Variants in PTPN13 observed in about 807,000 individuals in gnomAD.
PTPN13 encodes the protein tyrosine-protein phosphatase non-receptor type 13.
In PTPN13, 191 loss-of-function variants were observed where a neutral mutation model predicts 284.0. The observed-to-expected ratio is 0.67, with a 90% CI of 0.60 to 0.76. The LOEUF is 0.76. Ranked by LOEUF, PTPN13 falls within the 30% of genes least tolerant of loss-of-function variation. PTPN13 has a pLI of 0.00. For missense variants in PTPN13, 2,797 were observed against 2,939.9 expected (o/e 0.95, Z 1.12); for synonymous variants, 986 against 1,022.3 (o/e 0.96, Z 0.68).
At chr4:86,653,688 C>T (rs1295897959) in intron 2 of PTPN13, among the ~76,000 whole-genome samples, 3 of 151,904 alleles carry the variant, frequency 2.0e-5, no homozygotes, top group Non-Finnish European at 2.9e-5. Context: ...CAGCAACTGG[C>T]CATTTGCTTC....
At chr4:86,614,662 T>G (rs1374094526) in intron 1 of PTPN13, among the ~76,000 whole-genome samples, 1 of 152,110 alleles carries the variant, frequency 6.6e-6, no homozygotes, top group Non-Finnish European at 1.5e-5. Context: ...TGTCTTGCCA[T>G]GGACTAAAAC....
chr4:86,599,169 C>A (rs1191995957), intron 1 of PTPN13, among the ~76,000 whole-genome samples: 1 of 152,160 alleles, frequency 6.6e-6, no homozygotes, highest in African/African-American at 2.4e-5. Context: ...CCTTAAGAAA[C>A]CATAGTCAAC....
intron 2 of PTPN13, among the ~76,000 whole-genome samples, chr4:86,658,575 GA>G (rs1482207047): frequency 6.6e-6 from 1 of 151,996 alleles, no homozygotes; most frequent in Non-Finnish European, 1.5e-5. Context: ...TTTTCAAAGA[GA>G]AAATTAGTAA....
chr4:86,780,047 A>G (rs1741116913), intron 35 of PTPN13, among the ~76,000 whole-genome samples: 1 of 152,158 alleles, frequency 6.6e-6, no homozygotes, highest in Non-Finnish European at 1.5e-5. Context: ...TGATATGTTA[A>G]ACTGAAGCCC....
At chr4:86,664,169 T>C (rs928634680) in intron 2 of PTPN13, among the ~76,000 whole-genome samples, 3 of 152,198 alleles carry the variant, frequency 2.0e-5, no homozygotes, top group African/African-American at 7.2e-5. Flanking sequence ...ACAGAAAGCC[T>C]GCGTAATTTC....
At chr4:86,730,907 A>C (rs1734865910) in intron 10 of PTPN13, among the ~76,000 whole-genome samples, 1 of 152,146 alleles carries the variant, frequency 6.6e-6, no homozygotes, top group Non-Finnish European at 1.5e-5. Flanking sequence ...GGAGCTGCAG[A>C]CTGGAGCTGT....
At chr4:86,760,284 A>G (rs939677135) in intron 23 of PTPN13, among the ~76,000 whole-genome samples, 2 of 152,220 alleles carry the variant, frequency 1.3e-5, no homozygotes, top group African/African-American at 4.8e-5. Flanking sequence ...GCAAAGGAAG[A>G]CAACTACAGT....
chr4:86,706,566 C>T (rs545620574), intron 7 of PTPN13, among the ~76,000 whole-genome samples: 5 of 152,032 alleles, frequency 3.3e-5, no homozygotes, highest in South Asian at 2.1e-4. Context: ...CTACTATGGT[C>T]GAATCTTTAA....
intron 1 of PTPN13, among the ~76,000 whole-genome samples, chr4:86,599,654 G>A (rs1764122236): frequency 6.6e-6 from 1 of 151,858 alleles, no homozygotes. Context: ...CATCTGAAAT[G>A]GCATATATAT....
intron 17 of PTPN13, among the ~76,000 whole-genome samples, chr4:86,748,667 T>C (rs1311610663): frequency 6.6e-6 from 1 of 152,166 alleles, no homozygotes; most frequent in African/African-American, 2.4e-5. Flanking sequence ...TATGGAAATT[T>C]TTTTTTTTAA....
chr4:86,783,313 TTC>T (rs1248232386), intron 37 of PTPN13, among the ~76,000 whole-genome samples: 2 of 152,212 alleles, frequency 1.3e-5, no homozygotes, highest in Non-Finnish European at 2.9e-5. Flanking sequence ...ACACTCACTA[TTC>T]TCTGTTTATT....
intron 40 of PTPN13, among the ~76,000 whole-genome samples, chr4:86,790,057 A>G (rs1742443305): frequency 6.6e-6 from 1 of 152,172 alleles, no homozygotes. Context: ...TGTACTTTCT[A>G]AAATCATTAT....
Position 86,722,363 on chromosome 4 carries a change from A to G in PTPN13, c.1537A>G (p.Met513Val), listed in dbSNP as rs1476819279. ...TCCAGGAGACACAATCAAAGCGTCC[A>G]TGCTTGACATCACCAGGGATCCGTT... ...LYPGDTIKAS[M>V]LDITRDPLRE... Residue 513 changes from methionine (M) to valine (V), a missense_variant, in exon 10 of 48, where the codon ATG becomes GTG. By Grantham distance (21) the Met-to-Val change is conservative. Coordinates refer to ENST00000411767, the MANE Select transcript of PTPN13 (RefSeq NM_080683.3). 2.5e-6 allele frequency: 4 copies of G among 1,613,852 alleles called. No individual in the cohort carries two copies. The South Asian group carries it at 3.3e-5, about 13-fold the overall frequency.
At chr4:86,718,881 G>A (rs567851473) in intron 9 of PTPN13, among the ~76,000 whole-genome samples, 9 of 152,008 alleles carry the variant, frequency 5.9e-5, no homozygotes, top group Non-Finnish European at 8.8e-5. Flanking sequence ...TTGCATAATA[G>A]CATTTTATAT....
At chr4:86,692,742 C>T (rs1730160050) in intron 5 of PTPN13, among the ~76,000 whole-genome samples, 1 of 152,120 alleles carries the variant, frequency 6.6e-6, no homozygotes, top group Admixed American at 6.5e-5. Context: ...CTTAAAAGAG[C>T]ATTGATTTAA....
At chr4:86,702,963 A>G (rs929699027) in intron 7 of PTPN13, among the ~76,000 whole-genome samples, 2 of 152,090 alleles carry the variant, frequency 1.3e-5, no homozygotes, top group Non-Finnish European at 2.9e-5. Flanking sequence ...TATTCTAAAG[A>G]TCTGTTGTCC....
intron 20 of PTPN13, among the ~76,000 whole-genome samples, chr4:86,753,387 G>C (rs1737608929): frequency 6.6e-6 from 1 of 151,998 alleles, no homozygotes. Flanking sequence ...GAATTTTAGA[G>C]GGAAAGGAGG....
chr4:86,639,457 G>C (rs1443458867), intron 2 of PTPN13, among the ~76,000 whole-genome samples: 1 of 152,108 alleles, frequency 6.6e-6, no homozygotes, highest in African/African-American at 2.4e-5. Context: ...ACTGGATTAA[G>C]AAAATGTGGC....
chr4:86,761,761 G>T (rs1445469463), intron 23 of PTPN13, among the ~76,000 whole-genome samples: 6 of 151,874 alleles, frequency 4.0e-5, no homozygotes, highest in African/African-American at 1.5e-4. Context: ...CTTTTTTGTT[G>T]AATTTTAGCA....
Sources: gnomAD v4.1 joint callset for allele counts (sites outside exome capture counted in the v4.1 genomes callset) on GRCh38, gnomAD v4.1.1 for gene constraint, MANE v1.5 for transcripts, NCBI Gene and HGNC (gene_info 2026-07-23, HGNC 2026-07-21) for gene names.